Variants in MAGI2 observed in about 807,000 individuals in gnomAD.
The protein encoded by MAGI2 is membrane associated guanylate kinase, WW and PDZ domain containing 2, also known as membrane-associated guanylate kinase, WW and PDZ domain-containing protein 2.
MAGI2 carries 35 observed loss-of-function variants against 133.3 expected under a neutral mutation model. The ratio of observed to expected loss-of-function variants is 0.26; its 90% CI spans 0.20 to 0.35. MAGI2 has a LOEUF of 0.35. Among genes scored for constraint, MAGI2 ranks in the 10% least tolerant of loss-of-function variants. The probability of loss-of-function intolerance (pLI) is 1.00; values close to 1 mark genes in which losing one functional copy is unlikely to be tolerated. For synonymous variants in MAGI2, 729 were observed against 710.6 expected, an observed-to-expected ratio of 1.03 and a Z score of -0.41; for missense variants, 1,636 against 1,863.4, an observed-to-expected ratio of 0.88 and a Z score of 2.25.
chr7:79,115,644 C>T (rs1003005029), intron 1 of MAGI2, among the ~76,000 whole-genome samples: 22 of 151,840 alleles, frequency 1.4e-4, no homozygotes, highest in African/African-American at 5.1e-4. Context: ...TGATGAATAA[C>T]CATTTCATGT....
intron 21 of MAGI2, among the ~76,000 whole-genome samples, chr7:78,068,388 C>T (rs992715805): frequency 6.6e-6 from 1 of 152,070 alleles, no homozygotes; most frequent in African/African-American, 2.4e-5. Context: ...GTTGGGGACC[C>T]CTGATATACA....
At chr7:79,005,682 G>A (rs1437468287) in intron 2 of MAGI2, among the ~76,000 whole-genome samples, 1 of 152,048 alleles carries the variant, frequency 6.6e-6, no homozygotes, top group Non-Finnish European at 1.5e-5. Context: ...TTTCTTTCAT[G>A]TCACAAAAGA....
At chr7:79,040,156 G>T (rs962126496) in intron 1 of MAGI2, among the ~76,000 whole-genome samples, 6 of 151,784 alleles carry the variant, frequency 4.0e-5, no homozygotes, top group Non-Finnish European at 5.9e-5. Context: ...CTGTTCTGAT[G>T]ATAGTGAGTT....
chr7:78,024,025 C>T (rs1294354981), intron 21 of MAGI2, among the ~76,000 whole-genome samples: 3 of 152,132 alleles, frequency 2.0e-5, no homozygotes, highest in African/African-American at 7.2e-5. Flanking sequence ...ACTTGAGCAT[C>T]TGAACATTTT....
chr7:78,181,729 A>ACCAATATT (rs1345166172), intron 13 of MAGI2, among the ~76,000 whole-genome samples: 1 of 152,224 alleles, frequency 6.6e-6, no homozygotes, highest in Non-Finnish European at 1.5e-5. Flanking sequence ...CTGGGCTCAC[A>ACCAATATT]CCAATATTGC....
intron 2 of MAGI2, among the ~76,000 whole-genome samples, chr7:78,940,171 A>G (rs1242395926): frequency 6.6e-6 from 1 of 152,182 alleles, no homozygotes; most frequent in African/African-American, 2.4e-5. Context: ...GCAGATAACA[A>G]GCCCTTTAAA....
intron 1 of MAGI2, among the ~76,000 whole-genome samples, chr7:79,070,318 T>G (rs1267366676): frequency 5.9e-5 from 9 of 151,972 alleles, no homozygotes; most frequent in Admixed American, 2.6e-4. Context: ...TCATTCTTTT[T>G]TCTCTAATCT....
intron 21 of MAGI2, among the ~76,000 whole-genome samples, chr7:78,074,827 G>T (rs1367642469): frequency 1.3e-5 from 2 of 152,172 alleles, no homozygotes; most frequent in Non-Finnish European, 2.9e-5. Flanking sequence ...GGCACTCCTT[G>T]TATGTAGTGG....
At chr7:79,349,611 T>C (rs552451212) in intron 1 of MAGI2, among the ~76,000 whole-genome samples, 1 of 152,014 alleles carries the variant, frequency 6.6e-6, no homozygotes, top group African/African-American at 2.4e-5. Flanking sequence ...CAAGGTCCCA[T>C]GGCTTAAAAG....
At chr7:79,427,958 T>C (rs1313059165) in intron 1 of MAGI2, among the ~76,000 whole-genome samples, 1 of 152,070 alleles carries the variant, frequency 6.6e-6, no homozygotes, top group Non-Finnish European at 1.5e-5. Context: ...TACCAAGACC[T>C]AACAGAATTA....
At chr7:79,309,033 T>C (rs1306977521) in intron 1 of MAGI2, among the ~76,000 whole-genome samples, 2 of 152,126 alleles carry the variant, frequency 1.3e-5, no homozygotes, top group Non-Finnish European at 2.9e-5. Context: ...CATTCCCACC[T>C]ATCCTCTTTG....
At chr7:78,728,395 A>G (rs1185930251) in intron 2 of MAGI2, among the ~76,000 whole-genome samples, 1 of 152,166 alleles carries the variant, frequency 6.6e-6, no homozygotes, top group Non-Finnish European at 1.5e-5. Flanking sequence ...AACAAAATGC[A>G]CATTGGTTCT....
At chr7:79,127,625 T>C (rs1488217608) in intron 1 of MAGI2, among the ~76,000 whole-genome samples, 1 of 152,204 alleles carries the variant, frequency 6.6e-6, no homozygotes. Context: ...TCATATCCTT[T>C]GCCCACTTTT....
At chr7:79,067,395 GCTCT>G (rs1195626888) in intron 1 of MAGI2, among the ~76,000 whole-genome samples, 2 of 151,936 alleles carry the variant, frequency 1.3e-5, no homozygotes, top group Non-Finnish European at 2.9e-5. Flanking sequence ...TCATGATTTG[GCTCT>G]CTGTTTGTCT....
intron 1 of MAGI2, among the ~76,000 whole-genome samples, chr7:79,025,754 A>T (rs1366720113): frequency 6.6e-6 from 1 of 152,202 alleles, no homozygotes; most frequent in Non-Finnish European, 1.5e-5. Flanking sequence ...AAAAGTGGAA[A>T]CTGAGTTGGA....
intron 3 of MAGI2, among the ~76,000 whole-genome samples, chr7:78,587,325 C>T (rs1156745411): frequency 6.6e-6 from 1 of 152,018 alleles, no homozygotes; most frequent in African/African-American, 2.4e-5. Flanking sequence ...TTTACCAGGG[C>T]TTTCATCACT....
At chr7:78,517,847 C>T (rs1458011568) in intron 4 of MAGI2, among the ~76,000 whole-genome samples, 2 of 152,044 alleles carry the variant, frequency 1.3e-5, no homozygotes, top group East Asian at 3.9e-4. Context: ...AATAAATATT[C>T]ACATGTCATG....
chr7:78,820,387 C>T (rs1161232439), intron 2 of MAGI2, among the ~76,000 whole-genome samples: 1 of 151,450 alleles, frequency 6.6e-6, no homozygotes, highest in Admixed American at 6.6e-5. Flanking sequence ...CAGTTACAAA[C>T]CTGAAAGAAC....
At position 78,888,345 on chromosome 7, in the gene MAGI2, C is replaced by T. The variant is rs572013833; in HGVS notation, c.418+118745G>A. 9.8e-5 allele frequency among the ~76,000 whole-genome samples: 15 copies of T among 152,338 alleles called. No individual in the cohort carries two copies. The East Asian group carries it at 2.7e-3, about 27-fold the overall frequency. On this transcript the variant is annotated intron_variant, in intron 2 of 21. Coordinates refer to ENST00000354212, the MANE Select transcript of MAGI2 (RefSeq NM_012301.4). ...AAAAGGCAGCAGAAACCTCTGCAGA[C>T]TTCAATGTCCCTGTCTGACAGCTTT...
Sources: allele counts gnomAD v4.1 joint callset (sites outside exome capture counted in the v4.1 genomes callset), GRCh38; gene constraint gnomAD v4.1.1; transcripts MANE v1.5; gene names NCBI Gene and HGNC (gene_info 2026-07-23, HGNC 2026-07-21).